Variants in UGT1A9 observed in about 807,000 individuals in gnomAD.
UGT1A9 encodes UDP-glucuronosyltransferase 1A9.
Under a neutral mutation model 45.0 loss-of-function variants are expected in UGT1A9, and 35 were observed. The ratio of observed to expected loss-of-function variants is 0.78; its 90% CI spans 0.59 to 1.03. The LOEUF (loss-of-function observed/expected upper bound fraction) is 1.03, where lower values mean the gene tolerates loss of function less well. Ranked by LOEUF, UGT1A9 falls within the 50% of genes least tolerant of loss-of-function variation. UGT1A9 has a pLI of 0.00. For synonymous variants in UGT1A9, 278 were observed against 250.6 expected (o/e 1.11, Z -1.03); for missense variants, 687 against 666.6 (o/e 1.03, Z -0.34).
intron 1 of UGT1A9, among the ~76,000 whole-genome samples, chr2:233,724,980 CGCGGT>C (rs751350533): frequency 0.034 from 4,857 of 144,196 alleles, 246 homozygotes; most frequent in African/African-American, 0.053. Flanking sequence ...GCGGATCACT[CGCGGT>C]TAGGGGCTGG....
intron 1 of UGT1A9, among the ~76,000 whole-genome samples, chr2:233,758,476 T>C (rs926458629): frequency 1.3e-5 from 2 of 152,218 alleles, no homozygotes; most frequent in Non-Finnish European, 2.9e-5. Context: ...AGGTTTAAAT[T>C]AAACTGTGAA....
At chr2:233,674,932 C>T (rs2074301947) in intron 1 of UGT1A9, among the ~76,000 whole-genome samples, 1 of 152,154 alleles carries the variant, frequency 6.6e-6, no homozygotes, top group Non-Finnish European at 1.5e-5. Context: ...CTGGGAAAAG[C>T]ATGCAGTTGG....
At chr2:233,748,132 A>G (rs1234093790) in intron 1 of UGT1A9, 8 of 1,610,034 alleles carry the variant, frequency 5.0e-6, no homozygotes, top group Non-Finnish European at 6.8e-6. Context: ...CAGTTTTTAA[A>G]AATTGTATTT....
rs2076338429 is a variant in UGT1A9 at position 233,713,673 on chromosome 2, T to C, written c.855+40884T>C. The C allele has an allele frequency of 1.4e-5, 22 of 1,613,890 alleles. No individual in the cohort carries two copies. The East Asian group carries it at 4.9e-4, about 36-fold the overall frequency. On this transcript the variant is annotated intron_variant, in intron 1 of 4. Transcript: ENST00000354728. Reference sequence around the variant, plus strand: ...CCTGTCCTACCTTTGCCATGCTGTTTCTGCTCCTTATGCAAGCCTTGCCTC... The same window carrying C: ...CCTGTCCTACCTTTGCCATGCTGTTCCTGCTCCTTATGCAAGCCTTGCCTC...
intron 1 of UGT1A9, among the ~76,000 whole-genome samples, chr2:233,762,430 C>G (rs796065862): frequency 1.7e-4 from 26 of 152,296 alleles, no homozygotes; most frequent in African/African-American, 6.3e-4. Context: ...AATAGAGTAA[C>G]AGTGTATTCC....
At position 233,728,984 on chromosome 2, in the gene UGT1A9, A is replaced by T. The variant is rs532880751; in HGVS notation, c.856-38050A>T. On this transcript the variant is annotated intron_variant, in intron 1 of 4. Transcript: ENST00000354728. ...AAACAGTGATAGATTAATGGTTAAT[A>T]ATTAACTAGAGGAGGGCACTCTGTC... 6.7e-5 allele frequency: 101 copies of T among 1,514,708 alleles called. 1 individual carries two copies. The South Asian group carries it at 1.2e-3, about 19-fold the overall frequency. The allele number at this position is 1,514,708 out of a possible 1,614,324, so 93.8% of individuals were successfully genotyped here.
chr2:233,712,400 T>C (rs967947733), intron 1 of UGT1A9, among the ~76,000 whole-genome samples: 4 of 151,972 alleles, frequency 2.6e-5, no homozygotes, highest in Non-Finnish European at 5.9e-5. Context: ...TCAGAGAGAG[T>C]CCTCTTTGAG....
At chr2:233,770,116 A>G (rs557135570) in intron 4 of UGT1A9, 1 of 152,452 alleles carries the variant, frequency 6.6e-6, no homozygotes, top group Admixed American at 6.5e-5. Flanking sequence ...CCTAAGAACA[A>G]CTTGGTGAAA....
chr2:233,760,276 A>C (rs1040602725), intron 1 of UGT1A9: 1 of 1,612,488 alleles, frequency 6.2e-7, no homozygotes, highest in Non-Finnish European at 8.5e-7. Flanking sequence ...CTCTGGCAGG[A>C]GCAAAGGCGC....
Position 233,767,767 on chromosome 2 carries a change from T to C in UGT1A9, c.988-82T>C, listed in dbSNP as rs2302538. Reference sequence around the variant, plus strand: ...AAAGACTGTTCCTTCAGAGGACCCCTGTTTTCTAGTTAGTATAGCAGATTT... The same window carrying C: ...AAAGACTGTTCCTTCAGAGGACCCCCGTTTTCTAGTTAGTATAGCAGATTT... On this transcript the variant is annotated intron_variant, in intron 2 of 4. Coordinates refer to ENST00000354728, the MANE Select transcript of UGT1A9 (RefSeq NM_021027.3). The C allele has an allele frequency of 0.14, 222,887 of 1,608,838 alleles. 18,348 individuals are homozygous for C. Among genetic ancestry groups the C allele is most frequent in the African/African-American group, 0.38 (28,350 of 74,890 alleles).
intron 4 of UGT1A9, among the ~76,000 whole-genome samples, chr2:233,768,745 G>A (rs1699716714): frequency 1.3e-5 from 2 of 151,730 alleles, no homozygotes; most frequent in Admixed American, 1.3e-4. Context: ...ACCACGCCCG[G>A]TTAATTTTTG....
intron 1 of UGT1A9, among the ~76,000 whole-genome samples, chr2:233,731,505 G>T (rs1188245872): frequency 2.6e-5 from 4 of 152,064 alleles, no homozygotes; most frequent in African/African-American, 7.2e-5. Context: ...TTGCTGTTCA[G>T]TTCCCACCTA....
At chr2:233,734,584 T>C (rs1211494079) in intron 1 of UGT1A9, among the ~76,000 whole-genome samples, 1 of 152,216 alleles carries the variant, frequency 6.6e-6, no homozygotes, top group East Asian at 1.9e-4. Flanking sequence ...CTTGCTTATC[T>C]AGTTCTTTTA....
At chr2:233,747,945 G>C in intron 1 of UGT1A9, 1 of 1,613,482 alleles carries the variant, frequency 6.2e-7, no homozygotes, top group African/African-American at 1.3e-5. Flanking sequence ...GGAGGTGTCA[G>C]TGGTGGATCT....
chr2:233,682,141 A>G (rs766652612), intron 1 of UGT1A9: 3 of 1,614,192 alleles, frequency 1.9e-6, no homozygotes, highest in Admixed American at 1.7e-5. Flanking sequence ...AACTGGGAAG[A>G]TCACTGAATT....
At chr2:233,679,465 A>T (rs2074453333) in intron 1 of UGT1A9, among the ~76,000 whole-genome samples, 1 of 152,196 alleles carries the variant, frequency 6.6e-6, no homozygotes, top group African/African-American at 2.4e-5. Context: ...TACACAAAAC[A>T]GTAGAGTTAG....
chr2:233,693,809 C>T, intron 1 of UGT1A9: 1 of 1,614,184 alleles, frequency 6.2e-7, no homozygotes, highest in South Asian at 1.1e-5. Context: ...GCCGGTCATG[C>T]CCAACATGGT....
At chr2:233,744,144 C>G (rs1446501937) in intron 1 of UGT1A9, 4 of 335,984 alleles carry the variant, frequency 1.2e-5, no homozygotes, top group Non-Finnish European at 2.3e-5. Context: ...CTGTGATGCT[C>G]CAAGACCAGG....
At chr2:233,719,761 G>T in intron 1 of UGT1A9, 2 of 1,612,292 alleles carry the variant, frequency 1.2e-6, no homozygotes, top group Admixed American at 1.7e-5. Context: ...ACTTACAAGT[G>T]CTTCCATATC....
Sources: allele counts gnomAD v4.1 joint callset (sites outside exome capture counted in the v4.1 genomes callset), GRCh38; gene constraint gnomAD v4.1.1; transcripts MANE v1.5; gene names NCBI Gene and HGNC (gene_info 2026-07-23, HGNC 2026-07-21).